Variants in OCA2 observed in about 807,000 individuals in gnomAD.
The protein encoded by OCA2 is OCA2 melanosomal transmembrane protein.
OCA2 carries 77 observed loss-of-function variants against 100.2 expected under a neutral mutation model. That is an observed-to-expected ratio of 0.77 (90% CI 0.64 to 0.93). The LOEUF (loss-of-function observed/expected upper bound fraction) is 0.93. OCA2 is among the 40% of genes least tolerant of loss of function. The pLI is 0.00. For synonymous variants in OCA2, 432 were observed against 439.2 expected (o/e 0.98, Z 0.21); for missense variants, 1,062 against 1,089.1 (o/e 0.98, Z 0.35).
intron 2 of OCA2, among the ~76,000 whole-genome samples, chr15:28,074,267 G>T (rs560942110): frequency 6.6e-6 from 1 of 152,138 alleles, no homozygotes; most frequent in Admixed American, 6.6e-5. Flanking sequence ...GGCCAGGCAC[G>T]GTAGCTCACG....
chr15:27,974,491 G>T (rs778929515), intron 14 of OCA2, among the ~76,000 whole-genome samples: 2 of 152,210 alleles, frequency 1.3e-5, no homozygotes, highest in Non-Finnish European at 2.9e-5. Context: ...TCAAGGCCGG[G>T]CATGGCGGCT....
chr15:27,966,390 A>G (rs1567167520), intron 15 of OCA2, among the ~76,000 whole-genome samples: 1 of 152,196 alleles, frequency 6.6e-6, no homozygotes, highest in Non-Finnish European at 1.5e-5. Flanking sequence ...ACTGCAGTCT[A>G]TATGTTAGTG....
chr15:27,802,364 A>G (rs937198283), intron 23 of OCA2, among the ~76,000 whole-genome samples: 3 of 152,158 alleles, frequency 2.0e-5, no homozygotes, highest in Non-Finnish European at 4.4e-5. Flanking sequence ...TCAAGCAGCT[A>G]ATTCTCCCCC....
chr15:27,865,557 G>C (rs2036288941), intron 21 of OCA2, among the ~76,000 whole-genome samples: 1 of 152,232 alleles, frequency 6.6e-6, no homozygotes, highest in African/African-American at 2.4e-5. Context: ...TTTCATGAAT[G>C]TTCTTTGGTC....
intron 23 of OCA2, among the ~76,000 whole-genome samples, chr15:27,791,592 C>T (rs1003171717): frequency 5.9e-5 from 9 of 152,164 alleles, no homozygotes; most frequent in South Asian, 2.1e-4. Context: ...TATGTGGCTA[C>T]GGATTCTTCA....
intron 2 of OCA2, among the ~76,000 whole-genome samples, chr15:28,057,253 G>T (rs780994286): frequency 1.3e-4 from 20 of 152,204 alleles, no homozygotes; most frequent in Non-Finnish European, 2.8e-4. Flanking sequence ...TCCAGTGCTT[G>T]TAGGTGATGG....
At chr15:27,952,963 G>A (rs2040086454) in intron 17 of OCA2, among the ~76,000 whole-genome samples, 1 of 152,120 alleles carries the variant, frequency 6.6e-6, no homozygotes, top group Admixed American at 6.5e-5. Context: ...GATTACAGGT[G>A]TGAGCCACCA....
chr15:27,949,642 A>C lies in OCA2; in HGVS notation c.1951+2142T>G, dbSNP rs1469035232. On this transcript the variant is annotated intron_variant, in intron 18 of 23. Transcript: ENST00000354638. The stretch of plus-strand genomic sequence containing the variant: ...TGTGCCACTGCACTCCAGCCTGAGC[A>C]ACAGAGTGAGACTCTGTCTCAAAAA... Among the ~76,000 whole-genome samples the C allele has an allele frequency of 2.6e-5, 4 of 152,302 alleles. No homozygotes were observed. In the South Asian group the frequency reaches 8.3e-4, roughly 32 times the overall value.
chr15:27,941,085 C>A (rs1473766595), intron 18 of OCA2, among the ~76,000 whole-genome samples: 1 of 152,142 alleles, frequency 6.6e-6, no homozygotes, highest in Non-Finnish European at 1.5e-5. Flanking sequence ...TGTGATTTCT[C>A]CAGACTTGGT....
intron 1 of OCA2, among the ~76,000 whole-genome samples, chr15:28,095,767 T>C (rs1177355221): frequency 6.6e-6 from 1 of 151,106 alleles, no homozygotes; most frequent in Non-Finnish European, 1.5e-5. Context: ...ATATCTGACA[T>C]AATACCGGCA....
intron 23 of OCA2, among the ~76,000 whole-genome samples, chr15:27,842,090 C>T (rs1378106749): frequency 6.6e-6 from 1 of 152,328 alleles, no homozygotes; most frequent in South Asian, 2.1e-4. Context: ...AAACAGCAAG[C>T]AACCTCAATG....
chr15:28,034,498 G>A (rs760240860), intron 2 of OCA2, among the ~76,000 whole-genome samples: 10 of 152,168 alleles, frequency 6.6e-5, no homozygotes, highest in South Asian at 2.1e-4. Flanking sequence ...ATAATGAGCC[G>A]GGCACAGTGG....
rs757035565 is a variant in OCA2, at chr15:28,016,115, C to A, written c.879G>T (p.Glu293Asp). 1.2e-6 allele frequency: 2 copies of A among 1,613,924 alleles called. No homozygotes were observed. The highest frequency in any genetic ancestry group is 1.3e-5 in the African/African-American group (1 of 74,898). Reference sequence around the variant, plus strand: ...CACTGAGAACTCACCTGGTCAGTACCTCAAAGGTCCTGCTCATCACTGAGT... The same window carrying A: ...CACTGAGAACTCACCTGGTCAGTACATCAAAGGTCCTGCTCATCACTGAGT... ...SEHSVMSRTF[E>D]VLTRETVSIS... Residue 293 changes from glutamate (E) to aspartate (D), a missense_variant, in exon 8 of 24, where the codon GAG becomes GAT. Glu to Asp is a conservative substitution (Grantham distance 45). Coordinates refer to ENST00000354638, the MANE Select transcript of OCA2 (RefSeq NM_000275.3).
intron 23 of OCA2, among the ~76,000 whole-genome samples, chr15:27,796,937 T>G (rs1420095592): frequency 6.6e-6 from 1 of 152,182 alleles, no homozygotes; most frequent in African/African-American, 2.4e-5. Flanking sequence ...AGAGTGTTTT[T>G]GTCCAGCAGA....
chr15:27,854,560 G>A (rs1335862179), intron 21 of OCA2, among the ~76,000 whole-genome samples: 1 of 152,230 alleles, frequency 6.6e-6, no homozygotes, highest in African/African-American at 2.4e-5. Context: ...TGCAGAATCA[G>A]AAACTCCTGG....
chr15:28,004,561 C>G (rs1214353106), intron 9 of OCA2, among the ~76,000 whole-genome samples: 1 of 152,080 alleles, frequency 6.6e-6, no homozygotes. Context: ...TGCCCACACA[C>G]TAACACAGTC....
At chr15:27,781,628 C>A (rs2032544368) in intron 23 of OCA2, among the ~76,000 whole-genome samples, 1 of 152,106 alleles carries the variant, frequency 6.6e-6, no homozygotes, top group South Asian at 2.1e-4. Context: ...TTCATCCTTT[C>A]TTATATATAT....
intron 2 of OCA2, among the ~76,000 whole-genome samples, chr15:28,069,600 C>G (rs1336100312): frequency 7.1e-6 from 1 of 140,580 alleles, no homozygotes; most frequent in Non-Finnish European, 1.5e-5. Flanking sequence ...GACGGGGTTT[C>G]GCTGTGTTGG....
At chr15:27,922,490 C>T (rs2038893231) in intron 19 of OCA2, among the ~76,000 whole-genome samples, 1 of 152,178 alleles carries the variant, frequency 6.6e-6, no homozygotes, top group African/African-American at 2.4e-5. Context: ...TTGAATCCTG[C>T]ATCTTTACAT....
Sources: allele counts gnomAD v4.1 joint callset (sites outside exome capture counted in the v4.1 genomes callset), GRCh38; gene constraint gnomAD v4.1.1; transcripts MANE v1.5; gene names NCBI Gene and HGNC (gene_info 2026-07-23, HGNC 2026-07-21).